Variants in PPFIA1 observed in about 807,000 individuals in gnomAD.
The protein encoded by PPFIA1 is liprin-alpha-1.
PPFIA1 carries 25 observed loss-of-function variants against 149.9 expected under a neutral mutation model. The observed-to-expected ratio is 0.17, with a 90% CI of 0.12 to 0.23. The LOEUF is 0.23. Among genes scored for constraint, PPFIA1 ranks in the 10% least tolerant of loss-of-function variants. The pLI, the probability that PPFIA1 is intolerant of heterozygous loss-of-function variation, is 1.00. For synonymous variants in PPFIA1, 549 were observed against 552.8 expected, an observed-to-expected ratio of 0.99 and a Z score of 0.10; for missense variants, 1,362 against 1,506.5, an observed-to-expected ratio of 0.90 and a Z score of 1.59.
chr11:70,373,309 C>T (rs2057352388), intron 23 of PPFIA1: 1 of 152,420 alleles, frequency 6.6e-6, no homozygotes, highest in East Asian at 1.9e-4. Flanking sequence ...CTCACTACAG[C>T]CTTGAACTCC....
chr11:70,293,030 G>T (rs1403032332), intron 2 of PPFIA1, among the ~76,000 whole-genome samples: 1 of 152,234 alleles, frequency 6.6e-6, no homozygotes, highest in East Asian at 1.9e-4. Flanking sequence ...AGCCTAGTCT[G>T]AGCAAGGTGC....
At chr11:70,379,522 A>G in intron 26 of PPFIA1, among the ~76,000 whole-genome samples, 1 of 151,958 alleles carries the variant, frequency 6.6e-6, no homozygotes, top group East Asian at 1.9e-4. Flanking sequence ...TATACCAGTA[A>G]TCCTAGCACT....
At chr11:70,273,146 C>T (rs1251118126) in intron 2 of PPFIA1, among the ~76,000 whole-genome samples, 3 of 152,134 alleles carry the variant, frequency 2.0e-5, no homozygotes, top group Admixed American at 6.6e-5. Context: ...AGCGTGGTAG[C>T]GCGCATCTGT....
chr11:70,346,068 A>G (rs1480387298), intron 15 of PPFIA1: 1 of 399,270 alleles, frequency 2.5e-6, no homozygotes, highest in Non-Finnish European at 5.0e-6. Context: ...CAACTTTAGC[A>G]GTTATAATGC....
rs2054939418 is a variant in PPFIA1 at position 70,335,840 on chromosome 11, A to G, written c.1428+146A>G. 3 of 881,346 alleles carry G rather than the reference A, an allele frequency of 3.4e-6. No homozygotes were observed. The South Asian group carries it at 5.1e-5, about 15-fold the overall frequency. The allele number at this position is 881,346 out of a possible 1,614,324, so 54.6% of individuals were successfully genotyped here. A position where few individuals can be genotyped will look rare whatever the true frequency, so the allele number is the denominator to read the frequency against. On this transcript the variant is annotated intron_variant, in intron 11 of 27. Coordinates refer to ENST00000253925, the MANE Select transcript of PPFIA1 (RefSeq NM_003626.5). ...TCTTTAAAGTGGAAAAGGTATGCAC[A>G]GTTATCCAGTCACTGAATTAACTTA...
intron 2 of PPFIA1, among the ~76,000 whole-genome samples, chr11:70,301,241 GC>G (rs200154311): frequency 0.01 from 1,560 of 152,270 alleles, 28 homozygotes; most frequent in South Asian, 0.087. Flanking sequence ...TACCATGCTA[GC>G]CTGCACAAAG....
chr11:70,343,655 T>G lies in PPFIA1; in HGVS notation c.1708-14T>G, dbSNP rs758262792. On this transcript the variant is annotated splice_polypyrimidine_tract_variant and intron_variant, in intron 14 of 27. Transcript: ENST00000253925. ...GTTACTTTATCTACTGAGATTTGGT[T>G]TTCTTGTTTATAGGTACAAACTCTT... 85 of 1,610,904 alleles carry G rather than the reference T, an allele frequency of 5.3e-5. No homozygotes were observed. Among genetic ancestry groups the G allele is most frequent in the Non-Finnish European group, 6.7e-5 (79 of 1,177,244 alleles).
intron 2 of PPFIA1, among the ~76,000 whole-genome samples, chr11:70,284,852 T>A (rs374521344): frequency 6.6e-6 from 1 of 151,992 alleles, no homozygotes; most frequent in African/African-American, 2.4e-5. Context: ...CATGGTAAGG[T>A]TGGCTAGGTA....
intron 15 of PPFIA1, among the ~76,000 whole-genome samples, chr11:70,344,792 C>T (rs1259125839): frequency 1.3e-5 from 2 of 152,172 alleles, no homozygotes; most frequent in Admixed American, 6.5e-5. Context: ...CACAAACAGT[C>T]GACAGATAGA....
intron 2 of PPFIA1, among the ~76,000 whole-genome samples, chr11:70,293,873 G>A (rs967994976): frequency 3.3e-5 from 5 of 151,814 alleles, no homozygotes; most frequent in African/African-American, 9.7e-5. Flanking sequence ...TAGGACTAGC[G>A]ATTGGATCCC....
At chr11:70,376,673 C>T in intron 25 of PPFIA1, 73 bp downstream of exon 25, 5 of 1,256,738 alleles carry the variant, frequency 4.0e-6, no homozygotes, top group Non-Finnish European at 4.7e-6. Context: ...GAAATGTAAG[C>T]TGTTATTATT....
At chr11:70,335,883 G>A (rs2054943043) in intron 11 of PPFIA1, among the ~76,000 whole-genome samples, 189 bp downstream of exon 11, 1 of 152,182 alleles carries the variant, frequency 6.6e-6, no homozygotes, top group Non-Finnish European at 1.5e-5. Flanking sequence ...CTAAGTCCAT[G>A]CCCCATTTGT....
At chr11:70,292,585 C>T (rs919054037) in intron 2 of PPFIA1, among the ~76,000 whole-genome samples, 1 of 152,162 alleles carries the variant, frequency 6.6e-6, no homozygotes, top group African/African-American at 2.4e-5. Flanking sequence ...TGTAAGGTAC[C>T]GTCCAGGGGC....
At chr11:70,334,718 G>A (rs2054866851) in intron 10 of PPFIA1, 1 of 152,280 alleles carries the variant, frequency 6.6e-6, no homozygotes, top group Non-Finnish European at 1.5e-5. Flanking sequence ...TGGGCGCACG[G>A]GGTTCGAATG....
In PPFIA1 at chr11:70,356,059, A is replaced by G. The variant is rs1390317283; in HGVS notation, c.2489-102A>G. The G allele has an allele frequency of 2.9e-5, 32 of 1,097,370 alleles. No individual in the cohort carries two copies. In the Middle Eastern group the frequency reaches 1.4e-3, roughly 47 times the overall value. The allele number at this position is 1,097,370 out of a possible 1,614,324, so 68.0% of individuals were successfully genotyped here. On this transcript the variant is annotated intron_variant, in intron 18 of 27. Coordinates refer to ENST00000253925, the MANE Select transcript of PPFIA1 (RefSeq NM_003626.5). ...CTAGTCAGAAACTTAGCCTTAAGAAATGATTTAAATCTGAACCTGCAAATA... is the reference window on the plus strand; with the variant it reads ...CTAGTCAGAAACTTAGCCTTAAGAAGTGATTTAAATCTGAACCTGCAAATA...
intron 11 of PPFIA1, among the ~76,000 whole-genome samples, chr11:70,337,041 C>T (rs931299184): frequency 6.6e-6 from 1 of 152,214 alleles, no homozygotes; most frequent in East Asian, 1.9e-4. Context: ...AACTTAAATT[C>T]AGGTTTCCCA....
chr11:70,328,967 C>G (rs991088861), intron 7 of PPFIA1, among the ~76,000 whole-genome samples: 2 of 152,158 alleles, frequency 1.3e-5, no homozygotes, highest in Non-Finnish European at 2.9e-5. Flanking sequence ...CTGGTCCTAG[C>G]CTTAAGTGTT....
intron 2 of PPFIA1, among the ~76,000 whole-genome samples, chr11:70,282,627 C>A (rs1461323235): frequency 7.2e-6 from 1 of 138,010 alleles, no homozygotes; most frequent in African/African-American, 2.7e-5. Context: ...CCCCTGGGTT[C>A]ACACCATTCT....
At chr11:70,272,485 T>G (rs918480409) in intron 2 of PPFIA1, 49 bp downstream of exon 2, 1 of 1,520,756 alleles carries the variant, frequency 6.6e-7, no homozygotes, top group Non-Finnish European at 8.9e-7. Context: ...CACTAAATGT[T>G]TTTTTATTAG....
Sources: gnomAD v4.1 joint callset for allele counts (sites outside exome capture counted in the v4.1 genomes callset) on GRCh38, gnomAD v4.1.1 for gene constraint, MANE v1.5 for transcripts, NCBI Gene and HGNC (gene_info 2026-07-23, HGNC 2026-07-21) for gene names.